The following LAMA3 variants were observed in gnomAD, a reference collection of about 807,000 sequenced individuals.
The protein encoded by LAMA3 is laminin subunit alpha-3.
In LAMA3, 281 loss-of-function variants were observed where a neutral mutation model predicts 402.0. The ratio of observed to expected loss-of-function variants is 0.70; its 90% CI spans 0.63 to 0.77. The LOEUF is 0.77. Ranked by LOEUF, LAMA3 falls within the 30% of genes least tolerant of loss-of-function variation. The pLI is 0.00. For missense variants in LAMA3, 3,840 were observed against 4,215.5 expected (o/e 0.91, Z 2.47); for synonymous variants, 1,431 against 1,558.4 (o/e 0.92, Z 1.93).
intron 8 of LAMA3, among the ~76,000 whole-genome samples, chr18:23,769,151 A>AT (rs571063546): frequency 6.0e-5 from 9 of 150,114 alleles, no homozygotes; most frequent in Non-Finnish European, 5.9e-5. Flanking sequence ...TTAGAGTTGA[A>AT]TTTTTTTTTT....
intron 15 of LAMA3, among the ~76,000 whole-genome samples, chr18:23,814,974 G>C (rs1030229567): frequency 6.6e-6 from 1 of 152,206 alleles, no homozygotes; most frequent in African/African-American, 2.4e-5. Context: ...TGAACTAGCT[G>C]TTACTTTTTG....
chr18:23,932,842 A>T (rs2082204538), intron 66 of LAMA3, among the ~76,000 whole-genome samples: 1 of 152,186 alleles, frequency 6.6e-6, no homozygotes, highest in Admixed American at 6.5e-5. Flanking sequence ...TATGAATCTC[A>T]GGCTGGAATT....
chr18:23,901,143 G>A lies in LAMA3; in HGVS notation c.6021G>A (p.Arg2007=). Residue 2007 remains arginine, a synonymous_variant, in exon 48 of 75, where the codon AGG becomes AGA. Coordinates refer to ENST00000313654, the MANE Select transcript of LAMA3 (RefSeq NM_198129.4). ...GTATTACAGTGCTGAACCGGATAAG[G>A]ACCTGGCAGAAAACCCACCAGGGGG... ...RESQLLLNRI[R]TWQKTHQGEN... is the part of the protein sequence containing the mutation. 1 of 1,614,012 alleles carries A rather than the reference G, an allele frequency of 6.2e-7. No homozygotes were observed. Among genetic ancestry groups the A allele is most frequent in the South Asian group, 1.1e-5 (1 of 91,074 alleles).
intron 62 of LAMA3, among the ~76,000 whole-genome samples, chr18:23,922,158 T>G (rs754890446): frequency 2.0e-5 from 3 of 152,222 alleles, no homozygotes; most frequent in Non-Finnish European, 4.4e-5. Context: ...TCCCACCATT[T>G]TGGAATGCAC....
chr18:23,695,688 C>T (rs1024496211), intron 1 of LAMA3, among the ~76,000 whole-genome samples: 1 of 150,668 alleles, frequency 6.6e-6, no homozygotes, highest in Non-Finnish European at 1.5e-5. Flanking sequence ...ATCCCATCTA[C>T]TTGGGAGGCT....
rs771786290 is a variant in LAMA3, at chr18:23,867,901, G to A, written c.4751G>A (p.Arg1584Gln). ...CGGCCAGACCGGCTGCATCATGGAC[G>A]AGTGCACGTGGTCGAGGTAAAGGAA... Reference protein sequence around the residue: ...TPRPDRLHHGRVHVVEGNFRH... With the variant: ...TPRPDRLHHGQVHVVEGNFRH... The change falls in exon 37 of 75, where the codon CGA (arginine) becomes CAA (glutamine). Residue 1584 changes from arginine (R) to glutamine (Q), a missense_variant. By Grantham distance (43) the Arg-to-Gln change is conservative. Coordinates refer to ENST00000313654, the MANE Select transcript of LAMA3 (RefSeq NM_198129.4). 2.0e-5 allele frequency: 33 copies of A among 1,613,904 alleles called. No homozygotes were observed. The highest frequency in any genetic ancestry group is 1.6e-4 in the Middle Eastern group (1 of 6,084).
At chr18:23,904,429 T>G in intron 50 of LAMA3, 124 bp from the exon 51 acceptor site, 13 of 1,181,210 alleles carry the variant, frequency 1.1e-5, no homozygotes, top group Non-Finnish European at 1.6e-5. Context: ...TATTTTGTTT[T>G]TTTCCATTTC....
At chr18:23,739,893 G>C (rs1006641131) in intron 2 of LAMA3, among the ~76,000 whole-genome samples, 3 of 152,144 alleles carry the variant, frequency 2.0e-5, no homozygotes, top group African/African-American at 7.2e-5. Context: ...TAGGTAACTT[G>C]GTTGCTGGTT....
Position 23,914,834 on chromosome 18 carries a change from G to A in LAMA3, c.7618G>A (p.Val2540Ile). 1 of 1,612,870 alleles carries A rather than the reference G, an allele frequency of 6.2e-7. No individual in the cohort carries two copies. The highest frequency in any genetic ancestry group is 2.2e-5 in the East Asian group (1 of 44,860). ...NLDPENVVFY[V>I]GGYPPDFKLP... Reference sequence around the variant, plus strand: ...GGATCCTGAAAATGTTGTATTTTATGTTGGAGGTTACCCACCTGATTTTAA... The same window carrying A: ...GGATCCTGAAAATGTTGTATTTTATATTGGAGGTTACCCACCTGATTTTAA... Residue 2540 changes from valine to isoleucine, a missense_variant, in exon 58 of 75, where the codon GTT becomes ATT. Around this residue, in one of 3 missense-constraint regions of LAMA3, gnomAD observed 840 missense variants for 981.9 expected, o/e 0.86. Transcript: ENST00000313654.
chr18:23,861,516 A>G (rs913019482), intron 34 of LAMA3, 130 bp from the exon 35 acceptor site: 2 of 938,160 alleles, frequency 2.1e-6, no homozygotes, highest in Non-Finnish European at 3.4e-6. Flanking sequence ...GTGCAGGAGT[A>G]GACGCATAAA....
At chr18:23,908,711 G>T (rs2081337264) in intron 54 of LAMA3, among the ~76,000 whole-genome samples, 1 of 151,808 alleles carries the variant, frequency 6.6e-6, no homozygotes, top group African/African-American at 2.4e-5. Context: ...ACCCCTACTG[G>T]GTGTGTGAAC....
intron 11 of LAMA3, chr18:23,781,195 T>A (rs2062429864): frequency 4.7e-6 from 2 of 421,980 alleles, no homozygotes; most frequent in South Asian, 3.4e-5. Flanking sequence ...ACGCCAAGAC[T>A]GTAATTCACG....
Position 23,842,469 on chromosome 18 carries a change from G to T in LAMA3, c.3411G>T (p.Ala1137=), listed in dbSNP as rs34576909. The change falls in exon 28 of 75, where the codon GCG becomes GCT. Residue 1137 remains alanine (A), a synonymous_variant. Coordinates refer to ENST00000313654, the MANE Select transcript of LAMA3 (RefSeq NM_198129.4). ...YVFVIHFYQA[A]HPTFPAQVSV... ...TTGTCATCCATTTTTACCAAGCAGC[G>T]CACCCGACGTTTCCCGCGCAGGTGT... is the stretch of plus-strand genomic sequence containing the variant. The T allele has an allele frequency of 6.2e-7, 1 of 1,614,076 alleles. No individual in the cohort carries two copies. The highest frequency in any genetic ancestry group is 8.5e-7 in the Non-Finnish European group (1 of 1,180,030).
At position 23,837,596 on chromosome 18, in the gene LAMA3, T is replaced by TATA. The variant is rs1463520451; in HGVS notation, c.3093+507_3093+508insATA. 5.0e-5 allele frequency among the ~76,000 whole-genome samples: 7 copies of TATA among 141,288 alleles called. No homozygotes were observed. In the South Asian group the frequency reaches 6.7e-4, roughly 14 times the overall value. The allele number at this position is 141,288 out of a possible 152,430, so 92.7% of individuals were successfully genotyped here. A position where few individuals can be genotyped will look rare whatever the true frequency, so the allele number is the denominator to read the frequency against. ...ATATATATATATATATATATATATGTTATTAAGAGTTAAAATATCAAGTGT... is the reference window on the plus strand; with the variant it reads ...ATATATATATATATATATATATATGTATATATTAAGAGTTAAAATATCAAGTGT... On this transcript the variant is annotated intron_variant, in intron 25 of 74. Transcript: ENST00000313654.
rs1426676883 is a variant in LAMA3 at position 23,813,040 on chromosome 18, T to A, written c.1742-17T>A. ...ACAAACTACCAGATAATTTAAAAATTTCTGAATCATATTCAGGTTCCAGCA... is the reference window on the plus strand; with the variant it reads ...ACAAACTACCAGATAATTTAAAAATATCTGAATCATATTCAGGTTCCAGCA... On this transcript the variant is annotated splice_polypyrimidine_tract_variant and intron_variant, in intron 13 of 74. Coordinates refer to ENST00000313654, the MANE Select transcript of LAMA3 (RefSeq NM_198129.4). 1 of 1,583,658 alleles carries A rather than the reference T, an allele frequency of 6.3e-7. No homozygotes were observed. Among genetic ancestry groups the A allele is most frequent in the Non-Finnish European group, 8.7e-7 (1 of 1,152,656 alleles).
rs1265168708 is a variant in LAMA3, at chr18:23,839,505, T to C, written c.3192-280T>C. ...TTGATCTCATTTTAACAATTAATTTTAGTTTTGGAAAGGGAAGTTTCCATA... is the reference window on the plus strand; with the variant it reads ...TTGATCTCATTTTAACAATTAATTTCAGTTTTGGAAAGGGAAGTTTCCATA... On this transcript the variant is annotated intron_variant, in intron 26 of 74. Coordinates refer to ENST00000313654, the MANE Select transcript of LAMA3 (RefSeq NM_198129.4). The surrounding 1 kb of genome is among the most constrained non-coding windows in gnomAD (Gnocchi z 4.5). Among the ~76,000 whole-genome samples the C allele has an allele frequency of 6.6e-6, 1 of 152,254 alleles. No homozygotes were observed. Among genetic ancestry groups the C allele is most frequent in the Non-Finnish European group, 1.5e-5 (1 of 68,034 alleles).
At chr18:23,941,823 G>A (rs1298071771) in intron 68 of LAMA3, among the ~76,000 whole-genome samples, 1 of 152,132 alleles carries the variant, frequency 6.6e-6, no homozygotes, top group Non-Finnish European at 1.5e-5. Flanking sequence ...GTTCTGGAAA[G>A]CAAATGTCAA....
chr18:23,775,822 G>T lies in LAMA3; in HGVS notation c.1304G>T (p.Gly435Val), dbSNP rs570084918. Residue 435 changes from glycine (G) to valine (V), a missense_variant, in exon 10 of 75, where the codon GGC (glycine) becomes GTC (valine). Physicochemically the swap from Gly to Val is moderately radical, Grantham distance 109. Around this residue, in one of 3 missense-constraint regions of LAMA3, gnomAD observed 2,109 missense variants for 2,376.0 expected, o/e 0.89. Transcript: ENST00000313654. ...PCSCDPEHAD[G>V]CEQGSGRCHC... ...AGCTGTGACCCTGAGCATGCGGATG[G>T]CTGTGAACAGGGTTCAGGCCGCTGT... 1.1e-4 allele frequency: 177 copies of T among 1,613,880 alleles called. No individual in the cohort carries two copies. The highest frequency in any genetic ancestry group is 1.5e-4 in the Non-Finnish European group (174 of 1,179,900).
chr18:23,876,399 A>G lies in LAMA3; in HGVS notation c.5104A>G (p.Ile1702Val), dbSNP rs2064714328. 6.2e-7 allele frequency: 1 copy of G among 1,606,058 alleles called. No homozygotes were observed. The highest frequency in any genetic ancestry group is 1.1e-5 in the South Asian group (1 of 90,902). Residue 1702 changes from isoleucine (I) to valine (V), a missense_variant, in exon 39 of 75, where the codon ATA becomes GTA. Physicochemically the swap from Ile to Val is conservative, Grantham distance 29. Transcript: ENST00000313654. ...AAATCAATGCCAGGATGGCTCAGGCATATGTGTTGTGAGTAAATTGACACT... is the reference window on the plus strand; with the variant it reads ...AAATCAATGCCAGGATGGCTCAGGCGTATGTGTTGTGAGTAAATTGACACT... ...HSNQCQDGSGICVNCQHNTAG... is the reference protein window; with the variant it reads ...HSNQCQDGSGVCVNCQHNTAG...
Sources: allele counts gnomAD v4.1 joint callset (sites outside exome capture counted in the v4.1 genomes callset), GRCh38; gene constraint gnomAD v4.1.1; regional missense constraint gnomAD v4.1.1; non-coding constraint Gnocchi (gnomAD v3.1); transcripts MANE v1.5; gene names NCBI Gene and HGNC (gene_info 2026-07-23, HGNC 2026-07-21).